The following CAPN3 variants were observed in gnomAD, a reference collection of about 807,000 sequenced individuals.
CAPN3 encodes the protein calpain-3.
A neutral mutation model predicts 114.0 loss-of-function variants in CAPN3; 88 were observed. The ratio of observed to expected loss-of-function variants is 0.77; its 90% CI spans 0.65 to 0.92. CAPN3 has a LOEUF of 0.92. CAPN3 is among the 40% of genes least tolerant of loss of function. The pLI is 0.00. For synonymous variants in CAPN3, 386 were observed against 382.9 expected (o/e 1.01, Z -0.09); for missense variants, 1,028 against 1,069.0 (o/e 0.96, Z 0.53).
chr15:42,399,429 C>G (rs1388191196), intron 9 of CAPN3, 63 bp from the exon 10 acceptor site: 1 of 1,288,146 alleles, frequency 7.8e-7, no homozygotes, highest in Non-Finnish European at 1.1e-6. Flanking sequence ...GTCCTGGGGT[C>G]TTCCGTTCCC....
intron 1 of CAPN3, among the ~76,000 whole-genome samples, chr15:42,369,602 T>G (rs1238678350): frequency 6.6e-6 from 1 of 152,216 alleles, no homozygotes; most frequent in Non-Finnish European, 1.5e-5. Flanking sequence ...GTTCCATCTT[T>G]GGACAGTAGG....
intron 1 of CAPN3, among the ~76,000 whole-genome samples, chr15:42,360,428 G>A (rs183479924): frequency 6.6e-6 from 1 of 151,512 alleles, no homozygotes; most frequent in Admixed American, 6.6e-5. Flanking sequence ...AATTCATCCT[G>A]TAAAAATAAA....
chr15:42,408,947 C>G, intron 16 of CAPN3: 1 of 331,504 alleles, frequency 3.0e-6, no homozygotes, highest in South Asian at 2.9e-5. Context: ...GACAGGGTGG[C>G]TGGAGGAATC....
chr15:42,378,521 T>C (rs954560634), intron 1 of CAPN3, among the ~76,000 whole-genome samples: 1 of 152,330 alleles, frequency 6.6e-6, no homozygotes, highest in Non-Finnish European at 1.5e-5. Context: ...TTAATATTAG[T>C]AATTTGTGTT....
chr15:42,408,272 C>G lies in CAPN3; in HGVS notation c.1862C>G (p.Ser621Ter). The change falls in exon 16 of 24, where the codon TCA becomes TGA. Residue 621 changes from serine to a stop codon, truncating the protein, a stop_gained. Transcript: ENST00000397163. LOFTEE classifies it high-confidence loss of function. Reference protein sequence around the residue: ...SNKELGVDQESEEGKGKTSPD... With the variant: ...SNKELGVDQE ...AAGGAGCTGGGTGTGGACCAGGAGTCAGAGGAGGGCAAAGGCAAAACAAGC... is the reference window on the plus strand; with the variant it reads ...AAGGAGCTGGGTGTGGACCAGGAGTGAGAGGAGGGCAAAGGCAAAACAAGC... 2 of 1,613,886 alleles carry G rather than the reference C, an allele frequency of 1.2e-6. No individual in the cohort carries two copies. Among genetic ancestry groups the G allele is most frequent in the Non-Finnish European group, 1.7e-6 (2 of 1,179,870 alleles).
At chr15:42,381,181 A>T (rs1042629750) in intron 1 of CAPN3, among the ~76,000 whole-genome samples, 1 of 152,086 alleles carries the variant, frequency 6.6e-6, no homozygotes, top group Non-Finnish European at 1.5e-5. Context: ...TAAAATCAAG[A>T]TTTTATTTTA....
Position 42,399,617 on chromosome 15 carries a change from G to A in CAPN3, c.1319G>A (p.Arg440Gln), listed in dbSNP as rs376107921. The A allele has an allele frequency of 1.5e-4, 239 of 1,611,116 alleles. No individual in the cohort carries two copies. Among genetic ancestry groups the A allele is most frequent in the South Asian group, 2.6e-4 (24 of 90,880 alleles). Residue 440 changes from arginine to glutamine, a missense_variant, in exon 10 of 24, where the codon CGG becomes CAG. Physicochemically the swap from Arg to Gln is conservative, Grantham distance 43. Transcript: ENST00000397163. ...TCTGTGAACGAGGGCCGCTGGGTAC[G>A]GGGTTGCTCTGCCGGAGGCTGCCGC... is the stretch of plus-strand genomic sequence containing the variant. ...TVSVNEGRWV[R>Q]GCSAGGCRNF...
At chr15:42,406,364 T>C (rs961997522) in intron 15 of CAPN3, among the ~76,000 whole-genome samples, 2 of 152,128 alleles carry the variant, frequency 1.3e-5, no homozygotes, top group South Asian at 4.1e-4. Flanking sequence ...CCATCAGATT[T>C]GGTGCTAGCA....
chr15:42,408,394 CAG>C (rs770324954), intron 16 of CAPN3, 70 bp downstream of exon 16: 6 of 955,000 alleles, frequency 6.3e-6, no homozygotes, highest in East Asian at 4.9e-5. Context: ...TTGGGATACA[CAG>C]GGGCTGGAGG....
At chr15:42,396,274 A>T (rs1351204670) in intron 8 of CAPN3, among the ~76,000 whole-genome samples, 1 of 129,870 alleles carries the variant, frequency 7.7e-6, no homozygotes, top group Non-Finnish European at 1.6e-5. Context: ...ACGGAGTCTC[A>T]CTCTGCCACC....
chr15:42,367,489 T>A (rs372883617), intron 1 of CAPN3, among the ~76,000 whole-genome samples: 1 of 152,212 alleles, frequency 6.6e-6, no homozygotes, highest in African/African-American at 2.4e-5. Context: ...ATCAGAACTT[T>A]CAGAAGTGTA....
At position 42,386,024 on chromosome 15, in the gene CAPN3, C is replaced by T. The variant is rs963409226; in HGVS notation, c.380-143C>T. On this transcript the variant is annotated intron_variant, in intron 2 of 23. Coordinates refer to ENST00000397163, the MANE Select transcript of CAPN3 (RefSeq NM_000070.3). Reference sequence around the variant, plus strand: ...ATTCTCCTTCCCTGGGTTGACACCTCTGTAAGGTCAGATCTGGAAGTAGGA... The same window carrying T: ...ATTCTCCTTCCCTGGGTTGACACCTTTGTAAGGTCAGATCTGGAAGTAGGA... 6.6e-6 allele frequency: 5 copies of T among 761,472 alleles called. No individual in the cohort carries two copies. The African/African-American group carries it at 8.5e-5, about 13-fold the overall frequency. 47.2% of individuals were successfully genotyped at this position (761,472 alleles called of 1,614,324 possible). A position where few individuals can be genotyped will look rare whatever the true frequency, so the allele number is the denominator to read the frequency against.
chr15:42,389,915 C>A (rs574822029), intron 5 of CAPN3, 38 bp from the exon 6 acceptor site: 1 of 1,612,242 alleles, frequency 6.2e-7, no homozygotes, highest in Non-Finnish European at 8.5e-7. Flanking sequence ...TTCTCTCCCT[C>A]CCCTGTGTTG....
At chr15:42,384,027 G>A (rs950061371) in intron 1 of CAPN3, among the ~76,000 whole-genome samples, 92 of 152,280 alleles carry the variant, frequency 6.0e-4, no homozygotes, top group African/African-American at 2.2e-3. Flanking sequence ...CTGGGCCTCA[G>A]TTTCCTTATC....
chr15:42,365,159 G>A (rs147914806), intron 1 of CAPN3, among the ~76,000 whole-genome samples: 1 of 152,208 alleles, frequency 6.6e-6, no homozygotes, highest in East Asian at 1.9e-4. Context: ...CCCTAACCTA[G>A]AGCTTGGAGA....
At chr15:42,374,413 G>A (rs1449119308) in intron 1 of CAPN3, 1 of 152,204 alleles carries the variant, frequency 6.6e-6, no homozygotes, top group African/African-American at 2.4e-5. Context: ...TCTCAAAGAT[G>A]TCTGGCCCAG....
intron 14 of CAPN3, chr15:42,404,970 C>A: frequency 1.0e-6 from 1 of 994,884 alleles, no homozygotes; most frequent in Non-Finnish European, 1.2e-6. Context: ...GTAGAGCAGG[C>A]AGGTGCAGGG....
chr15:42,398,278 C>T (rs970515273), intron 9 of CAPN3, among the ~76,000 whole-genome samples: 1 of 151,712 alleles, frequency 6.6e-6, no homozygotes, highest in Non-Finnish European at 1.5e-5. Flanking sequence ...AATTCTTTTC[C>T]TCTAGTTATT....
At chr15:42,367,957 T>C (rs2052831938) in intron 1 of CAPN3, among the ~76,000 whole-genome samples, 1 of 152,188 alleles carries the variant, frequency 6.6e-6, no homozygotes, top group Non-Finnish European at 1.5e-5. Flanking sequence ...TGTTTTTGAA[T>C]CATGTCATCC....
Sources: allele counts gnomAD v4.1 joint callset (sites outside exome capture counted in the v4.1 genomes callset), GRCh38; gene constraint gnomAD v4.1.1; transcripts MANE v1.5; gene names NCBI Gene and HGNC (gene_info 2026-07-23, HGNC 2026-07-21).